The following KLHL24 variants were observed in gnomAD, a reference collection of about 807,000 sequenced individuals.
KLHL24 encodes the protein kelch like family member 24.
Under a neutral mutation model 53.4 loss-of-function variants are expected in KLHL24, and 29 were observed. The ratio of observed to expected loss-of-function variants is 0.54; its 90% CI spans 0.40 to 0.74. The LOEUF (loss-of-function observed/expected upper bound fraction) is 0.74, where lower values mean the gene tolerates loss of function less well. Ranked by LOEUF, KLHL24 falls within the 30% of genes least tolerant of loss-of-function variation. The pLI, the probability that KLHL24 is intolerant of heterozygous loss-of-function variation, is 0.00. For synonymous variants in KLHL24, 222 were observed against 253.7 expected (o/e 0.88, Z 1.19); for missense variants, 504 against 744.0 (o/e 0.68, Z 3.75).
intron 1 of KLHL24, among the ~76,000 whole-genome samples, chr3:183,640,880 G>A (rs886900832): frequency 5.9e-5 from 9 of 151,966 alleles, no homozygotes; most frequent in African/African-American, 9.7e-5. Context: ...GACTGCAGGC[G>A]TGAGCCACCT....
At chr3:183,660,131 CTT>C (rs11366516) in intron 3 of KLHL24, among the ~76,000 whole-genome samples, 7,347 of 135,292 alleles carry the variant, frequency 0.054, 405 homozygotes, top group African/African-American at 0.15. Flanking sequence ...GTTTTTCTTT[CTT>C]TTTTTTTTTT....
chr3:183,667,606 C>G (rs1720755390), intron 5 of KLHL24, among the ~76,000 whole-genome samples: 1 of 152,150 alleles, frequency 6.6e-6, no homozygotes, highest in Non-Finnish European at 1.5e-5. Context: ...ACCAGTCCCC[C>G]ACCAGCCCCC....
chr3:183,675,403 T>C (rs1473427079), intron 7 of KLHL24, among the ~76,000 whole-genome samples: 1 of 152,172 alleles, frequency 6.6e-6, no homozygotes, highest in African/African-American at 2.4e-5. Flanking sequence ...GAATGAGTAT[T>C]ACGTTTTCTC....
At chr3:183,669,110 T>G (rs1364656986) in intron 5 of KLHL24, among the ~76,000 whole-genome samples, 1 of 152,182 alleles carries the variant, frequency 6.6e-6, no homozygotes, top group East Asian at 1.9e-4. Context: ...ATATTTTAAT[T>G]TACACATGTA....
Position 183,679,148 on chromosome 3 carries a change from T to C in KLHL24, c.1665T>C (p.Asn555=). 6.2e-7 allele frequency: 1 copy of C among 1,613,902 alleles called. No homozygotes were observed. The highest frequency in any genetic ancestry group is 1.7e-5 in the Admixed American group (1 of 60,012). ...KIYILGGRRE[N]GEATDTILCY... is the part of the protein sequence containing the mutation. Reference sequence around the variant, plus strand: ...ATATCCTGGGCGGAAGACGGGAAAATGGAGAAGCCACAGACACTATTCTCT... The same window carrying C: ...ATATCCTGGGCGGAAGACGGGAAAACGGAGAAGCCACAGACACTATTCTCT... Residue 555 remains asparagine (N), a synonymous_variant, in exon 8 of 8, where the codon AAT becomes AAC. Coordinates refer to ENST00000242810, the MANE Select transcript of KLHL24 (RefSeq NM_017644.3).
rs202119480 is a variant in KLHL24 at position 183,641,474 on chromosome 3, C to CAA, written c.-124-1987_-124-1986dup. On this transcript the variant is annotated intron_variant, in intron 1 of 7. Coordinates refer to ENST00000242810, the MANE Select transcript of KLHL24 (RefSeq NM_017644.3). ...GCCTGGCAACAGAGTGAGACTGTCT[C>CAA]AAAAAAAAAAAAAAAAAAAAGATTT... is the stretch of plus-strand genomic sequence containing the variant. Among the ~76,000 whole-genome samples, 146 of 70,204 alleles carry CAA rather than the reference C, an allele frequency of 2.1e-3. 2 individuals are homozygous for CAA. Among genetic ancestry groups the CAA allele is most frequent in the African/African-American group, 7.2e-3 (133 of 18,350 alleles). 46.1% of individuals were successfully genotyped at this position (70,204 alleles called of 152,430 possible). A position where few individuals can be genotyped will look rare whatever the true frequency, so the allele number is the denominator to read the frequency against.
chr3:183,656,367 T>A (rs1206475539), intron 3 of KLHL24, among the ~76,000 whole-genome samples: 1 of 152,166 alleles, frequency 6.6e-6, no homozygotes, highest in Non-Finnish European at 1.5e-5. Context: ...TCCTCCTTTC[T>A]TCCTTCGGCC....
At chr3:183,657,108 C>A (rs78607602) in intron 3 of KLHL24, among the ~76,000 whole-genome samples, 50,512 of 151,540 alleles carry the variant, frequency 0.33, 9,190 homozygotes, top group African/African-American at 0.49. Flanking sequence ...TGTCCTGATC[C>A]ACATCCTTAG....
chr3:183,670,230 A>AC (rs1721146612), intron 5 of KLHL24, among the ~76,000 whole-genome samples: 1 of 152,154 alleles, frequency 6.6e-6, no homozygotes, highest in Non-Finnish European at 1.5e-5. Flanking sequence ...ATGCCACTGC[A>AC]CTCCAGCCTG....
chr3:183,639,057 C>T (rs1404783197), intron 1 of KLHL24, among the ~76,000 whole-genome samples: 2 of 151,740 alleles, frequency 1.3e-5, no homozygotes, highest in East Asian at 2.0e-4. Context: ...AAAAATTAGC[C>T]GGGTGTGGCC....
rs566479244 is a variant in KLHL24 at position 183,638,354 on chromosome 3, A to G, written c.-125+2561A>G. ...TAATGCTTTTTCAATAACTTTTTTT[A>G]ACTTCCTTTTCTCCCATTTCATTAA... On this transcript the variant is annotated intron_variant, in intron 1 of 7. Transcript: ENST00000242810. Among the ~76,000 whole-genome samples, 12 of 152,330 alleles carry G rather than the reference A, an allele frequency of 7.9e-5. No homozygotes were observed. The East Asian group carries it at 2.1e-3, about 27-fold the overall frequency.
chr3:183,665,136 A>T, intron 5 of KLHL24, 97 bp downstream of exon 5: 1 of 679,096 alleles, frequency 1.5e-6, no homozygotes, highest in Non-Finnish European at 2.7e-6. Context: ...GGTATTTTGG[A>T]TTCAAATTGT....
chr3:183,666,867 T>G (rs1720636810), intron 5 of KLHL24, among the ~76,000 whole-genome samples: 1 of 152,124 alleles, frequency 6.6e-6, no homozygotes. Context: ...TGCCCCCATC[T>G]CCATCTGCTT....
At chr3:183,678,934 A>C (rs199657571) in intron 7 of KLHL24, 152 bp from the exon 8 acceptor site, 1 of 312,830 alleles carries the variant, frequency 3.2e-6, no homozygotes, top group Non-Finnish European at 5.1e-6. Context: ...GCTTACACAG[A>C]ACACAGAGAG....
rs1269436109 is a variant in KLHL24 at position 183,683,586 on chromosome 3, G to A, written c.*4300G>A. The A allele has an allele frequency of 1.3e-5, 2 of 152,586 alleles. No homozygotes were observed. The highest frequency in any genetic ancestry group is 2.9e-5 in the Non-Finnish European group (2 of 68,036). 9.5% of individuals were successfully genotyped at this position (152,586 alleles called of 1,614,324 possible). A position where few individuals can be genotyped will look rare whatever the true frequency, so the allele number is the denominator to read the frequency against. ...AGGAGTGTGAATGAATAATTCCAGAGACACTTTAGACATTTTTTAATGTTT... is the reference window on the plus strand; with the variant it reads ...AGGAGTGTGAATGAATAATTCCAGAAACACTTTAGACATTTTTTAATGTTT... On this transcript the variant is annotated 3_prime_UTR_variant, in exon 8 of 8. Coordinates refer to ENST00000242810, the MANE Select transcript of KLHL24 (RefSeq NM_017644.3).
At chr3:183,649,911 C>T (rs148076897) in intron 2 of KLHL24, among the ~76,000 whole-genome samples, 51 of 152,142 alleles carry the variant, frequency 3.4e-4, no homozygotes, top group African/African-American at 1.2e-3. Context: ...AAAAAAGATT[C>T]TTAAAAAGAA....
chr3:183,677,733 G>A (rs77847312), intron 7 of KLHL24, among the ~76,000 whole-genome samples: 1 of 152,176 alleles, frequency 6.6e-6, no homozygotes, highest in East Asian at 1.9e-4. Flanking sequence ...CTGGCCTGCA[G>A]TATAACCAGA....
chr3:183,654,183 T>G (rs1718529489), intron 3 of KLHL24, among the ~76,000 whole-genome samples: 1 of 152,194 alleles, frequency 6.6e-6, no homozygotes, highest in Admixed American at 6.5e-5. Context: ...AATTGCCTTA[T>G]CCATCTTGAA....
rs1712705505 is a variant in KLHL24 at position 183,681,826 on chromosome 3, T to G, written c.*2540T>G. On this transcript the variant is annotated 3_prime_UTR_variant, in exon 8 of 8. Transcript: ENST00000242810. ...CAACCAAATTGGTGTCAGATTGTAT[T>G]CATTCTCTCATCACATAAAGATTTT... is the stretch of plus-strand genomic sequence containing the variant. The G allele has an allele frequency of 6.6e-6, 1 of 152,542 alleles. No individual in the cohort carries two copies. Among genetic ancestry groups the G allele is most frequent in the Non-Finnish European group, 1.5e-5 (1 of 67,944 alleles). 9.4% of individuals were successfully genotyped at this position (152,542 alleles called of 1,614,324 possible).
Sources: allele counts gnomAD v4.1 joint callset (sites outside exome capture counted in the v4.1 genomes callset), GRCh38; gene constraint gnomAD v4.1.1; transcripts MANE v1.5; gene names NCBI Gene and HGNC (gene_info 2026-07-23, HGNC 2026-07-21).